The following CERS6 variants were observed in gnomAD, a reference collection of about 807,000 sequenced individuals.
CERS6 encodes ceramide synthase 6.
A neutral mutation model predicts 56.8 loss-of-function variants in CERS6; 26 were observed. The observed-to-expected ratio is 0.46, with a 90% CI of 0.34 to 0.63. CERS6 has a LOEUF of 0.63. Ranked by LOEUF, CERS6 falls within the 30% of genes least tolerant of loss-of-function variation. The pLI is 0.01. For missense variants in CERS6, 415 were observed against 467.5 expected (o/e 0.89, Z 1.04); for synonymous variants, 164 against 173.3 (o/e 0.95, Z 0.42).
intron 1 of CERS6, among the ~76,000 whole-genome samples, chr2:168,514,075 G>T (rs912956311): frequency 6.6e-6 from 1 of 152,210 alleles, no homozygotes; most frequent in African/African-American, 2.4e-5. Flanking sequence ...GTAATTTACG[G>T]TGTTGTTATT....
chr2:168,489,930 G>A (rs1694340399), intron 1 of CERS6, among the ~76,000 whole-genome samples: 1 of 152,162 alleles, frequency 6.6e-6, no homozygotes, highest in African/African-American at 2.4e-5. Context: ...ATGTGGTATA[G>A]ATTCTGGGTC....
intron 3 of CERS6, among the ~76,000 whole-genome samples, chr2:168,563,338 T>C (rs1695826109): frequency 6.6e-6 from 1 of 152,212 alleles, no homozygotes; most frequent in South Asian, 2.1e-4. Context: ...CAATTAAAAA[T>C]GCTTCTAAAT....
chr2:168,510,703 T>C (rs1236267115), intron 1 of CERS6, among the ~76,000 whole-genome samples: 1 of 152,132 alleles, frequency 6.6e-6, no homozygotes, highest in African/African-American at 2.4e-5. Flanking sequence ...TTTCCTGGAG[T>C]CTGTGAGTTT....
chr2:168,477,402 T>C (rs1353275018), intron 1 of CERS6, among the ~76,000 whole-genome samples: 1 of 152,212 alleles, frequency 6.6e-6, no homozygotes, highest in Non-Finnish European at 1.5e-5. Context: ...TATAAGCTCA[T>C]TTGCACTTTG....
At chr2:168,529,296 G>T (rs1421182399) in intron 1 of CERS6, among the ~76,000 whole-genome samples, 2 of 152,128 alleles carry the variant, frequency 1.3e-5, no homozygotes, top group Non-Finnish European at 2.9e-5. Flanking sequence ...GATTCTTCTG[G>T]GGGGAGTTTT....
intron 1 of CERS6, among the ~76,000 whole-genome samples, chr2:168,527,655 C>T (rs1195523361): frequency 6.6e-6 from 1 of 152,158 alleles, no homozygotes; most frequent in African/African-American, 2.4e-5. Flanking sequence ...TGGAGGAATG[C>T]CGTTCTTCCC....
chr2:168,520,687 G>T (rs761742537), intron 1 of CERS6, among the ~76,000 whole-genome samples: 3 of 121,520 alleles, frequency 2.5e-5, no homozygotes, highest in African/African-American at 9.4e-5. Context: ...TTAGCTCACC[G>T]CAACCTCCGC....
chr2:168,662,127 C>CTTT lies in CERS6; in HGVS notation c.466-28894_466-28892dup, dbSNP rs71397658. Among the ~76,000 whole-genome samples, 292 of 136,780 alleles carry CTTT rather than the reference C, an allele frequency of 2.1e-3. 5 individuals are homozygous for CTTT. The highest frequency in any genetic ancestry group is 0.016 in the Middle Eastern group (4 of 250). 89.7% of individuals were successfully genotyped at this position (136,780 alleles called of 152,430 possible). On this transcript the variant is annotated intron_variant, in intron 4 of 9. Transcript: ENST00000305747. ...CCTGGTATACCATTCAAGGCTGTCT[C>CTTT]TTTTTTTTTTTTTTTCAAATTCTGT...
At chr2:168,479,426 A>G (rs1334024727) in intron 1 of CERS6, among the ~76,000 whole-genome samples, 3 of 151,948 alleles carry the variant, frequency 2.0e-5, no homozygotes, top group Non-Finnish European at 4.4e-5. Flanking sequence ...TTCTTTTTTC[A>G]CATATGACAA....
intron 1 of CERS6, among the ~76,000 whole-genome samples, chr2:168,496,490 G>C (rs749070584): frequency 6.6e-6 from 1 of 152,066 alleles, no homozygotes; most frequent in Non-Finnish European, 1.5e-5. Flanking sequence ...CCATGAGAGG[G>C]GATTCTTGTC....
At chr2:168,631,097 C>G in intron 4 of CERS6, 55 bp downstream of exon 4, 1 of 729,190 alleles carries the variant, frequency 1.4e-6, no homozygotes, top group Non-Finnish European at 2.0e-6. Context: ...TGTCTATATC[C>G]TGGTTTTTTT....
chr2:168,555,002 C>T (rs959683077), intron 2 of CERS6, among the ~76,000 whole-genome samples: 2 of 151,950 alleles, frequency 1.3e-5, no homozygotes, highest in African/African-American at 4.8e-5. Context: ...ACCTCTGAGG[C>T]GTGATAGAGT....
intron 3 of CERS6, among the ~76,000 whole-genome samples, chr2:168,597,173 C>G (rs1470441643): frequency 1.3e-5 from 2 of 152,140 alleles, no homozygotes; most frequent in African/African-American, 2.4e-5. Flanking sequence ...AGCCAGTGAA[C>G]AAGACATAGG....
chr2:168,738,807 G>A (rs991205918), intron 8 of CERS6, among the ~76,000 whole-genome samples: 8 of 152,322 alleles, frequency 5.3e-5, no homozygotes, highest in South Asian at 2.1e-4. Context: ...ACATTGGGCA[G>A]CCAGCTGTAA....
At chr2:168,715,441 T>A (rs1030266360) in intron 7 of CERS6, among the ~76,000 whole-genome samples, 3 of 152,216 alleles carry the variant, frequency 2.0e-5, no homozygotes, top group Admixed American at 1.3e-4. Flanking sequence ...TTGTAACTTT[T>A]ACCCTGATTT....
At chr2:168,626,575 T>C (rs1161164128) in intron 3 of CERS6, among the ~76,000 whole-genome samples, 1 of 152,158 alleles carries the variant, frequency 6.6e-6, no homozygotes, top group Non-Finnish European at 1.5e-5. Context: ...ATTTTCAGGT[T>C]TGAAAGATAT....
intron 1 of CERS6, among the ~76,000 whole-genome samples, chr2:168,489,671 A>G (rs1050563926): frequency 4.6e-5 from 7 of 151,954 alleles, no homozygotes; most frequent in African/African-American, 1.5e-4. Flanking sequence ...GAGCTATCCC[A>G]TGAATTTATT....
chr2:168,517,480 A>G (rs1421882945), intron 1 of CERS6, among the ~76,000 whole-genome samples: 1 of 151,716 alleles, frequency 6.6e-6, no homozygotes, highest in Non-Finnish European at 1.5e-5. Context: ...CGATACAGCA[A>G]GACACTGCCT....
At chr2:168,525,533 C>T (rs574606900) in intron 1 of CERS6, among the ~76,000 whole-genome samples, 1 of 152,310 alleles carries the variant, frequency 6.6e-6, no homozygotes, top group Non-Finnish European at 1.5e-5. Context: ...TCTTGGGTCA[C>T]AATTCTTGTA....
Sources: gnomAD v4.1 joint callset for allele counts (sites outside exome capture counted in the v4.1 genomes callset) on GRCh38, gnomAD v4.1.1 for gene constraint, MANE v1.5 for transcripts, NCBI Gene and HGNC (gene_info 2026-07-23, HGNC 2026-07-21) for gene names.